MYO9B: variants seen among roughly 807,000 people sequenced by gnomAD.
The protein encoded by MYO9B is myosin IXB, also known as unconventional myosin-IXb.
Under a neutral mutation model 229.5 loss-of-function variants are expected in MYO9B, and 71 were observed. The observed-to-expected ratio is 0.31, with a 90% CI of 0.26 to 0.38. The LOEUF (loss-of-function observed/expected upper bound fraction) is 0.38, where lower values mean the gene tolerates loss of function less well. Ranked by LOEUF, MYO9B falls within the 10% of genes least tolerant of loss-of-function variation. The pLI is 1.00. For synonymous variants in MYO9B, 1,185 were observed against 1,235.8 expected (o/e 0.96, Z 0.86); for missense variants, 2,255 against 2,920.5 (o/e 0.77, Z 5.25).
intron 3 of MYO9B, among the ~76,000 whole-genome samples, chr19:17,146,722 T>C (rs1294908847): frequency 6.6e-6 from 1 of 151,990 alleles, no homozygotes; most frequent in Non-Finnish European, 1.5e-5. Context: ...TTGGATGGAA[T>C]TGGATGGGCT....
chr19:17,094,045 G>GTT (rs2057665445), intron 1 of MYO9B, among the ~76,000 whole-genome samples: 1 of 127,718 alleles, frequency 7.8e-6, no homozygotes, highest in Non-Finnish European at 1.8e-5. Flanking sequence ...TGTTGTTGTT[G>GTT]TTGTTGTTAA....
intron 2 of MYO9B, among the ~76,000 whole-genome samples, chr19:17,109,890 G>A (rs1363114853): frequency 6.6e-6 from 1 of 152,210 alleles, no homozygotes; most frequent in African/African-American, 2.4e-5. Flanking sequence ...CACAGGTTCT[G>A]GGGGTAAGGA....
At chr19:17,124,018 T>G (rs2145137661) in intron 2 of MYO9B, among the ~76,000 whole-genome samples, 1 of 151,984 alleles carries the variant, frequency 6.6e-6, no homozygotes, top group South Asian at 2.1e-4. Flanking sequence ...CCCAAGCAGC[T>G]AGGATTACAG....
intron 7 of MYO9B, 46 bp from the exon 8 acceptor site, chr19:17,159,349 T>C (rs2145301787): frequency 6.6e-7 from 1 of 1,520,964 alleles, no homozygotes; most frequent in Non-Finnish European, 9.0e-7. Flanking sequence ...GCCTGATAAG[T>C]CCTCCATCTC....
intron 1 of MYO9B, among the ~76,000 whole-genome samples, chr19:17,092,791 C>T (rs1364720168): frequency 4.0e-5 from 6 of 150,386 alleles, no homozygotes; most frequent in East Asian, 2.0e-4. Flanking sequence ...TATGCATGTG[C>T]ATGCATGTGA....
intron 26 of MYO9B, 84 bp downstream of exon 26, chr19:17,200,913 A>G: frequency 6.9e-7 from 1 of 1,458,086 alleles, no homozygotes. Context: ...TCTGAAACAC[A>G]CAACACAGGG....
At position 17,172,323 on chromosome 19, in the gene MYO9B, G is replaced by A. The variant is rs1485581786; in HGVS notation, c.1794-13G>A. On this transcript the variant is annotated splice_polypyrimidine_tract_variant and intron_variant, in intron 11 of 39. Coordinates refer to ENST00000682292, the MANE Select transcript of MYO9B (RefSeq NM_004145.4). The surrounding 1 kb of genome is among the most constrained non-coding windows in gnomAD (Gnocchi z 8.2). ...CTGTTCATGCCTGCAAAGGTTCCAT[G>A]TTCTGTTCCCAGCTTCCCCCACGCC... 8 of 1,613,660 alleles carry A rather than the reference G, an allele frequency of 5.0e-6. No individual in the cohort carries two copies. Among genetic ancestry groups the A allele is most frequent in the Non-Finnish European group, 6.8e-6 (8 of 1,179,746 alleles).
chr19:17,127,155 G>C (rs2072131865), intron 2 of MYO9B, among the ~76,000 whole-genome samples: 1 of 145,318 alleles, frequency 6.9e-6, no homozygotes. Context: ...GGGACTACAG[G>C]TGCACACCAC....
intron 2 of MYO9B, among the ~76,000 whole-genome samples, chr19:17,130,453 T>TA (rs886986175): frequency 7.3e-5 from 11 of 151,396 alleles, no homozygotes; most frequent in South Asian, 2.1e-4. Context: ...CTGTCTCTAC[T>TA]AAAAAAAATA....
chr19:17,168,187 C>A, intron 11 of MYO9B, 123 bp downstream of exon 11: 1 of 1,319,482 alleles, frequency 7.6e-7, no homozygotes, highest in Non-Finnish European at 1.0e-6. Context: ...ATTTTTGAGA[C>A]AGGGTCTCAC....
At chr19:17,199,700 C>CTTTTTTTT (rs59510773) in intron 24 of MYO9B, among the ~76,000 whole-genome samples, 14 of 68,766 alleles carry the variant, frequency 2.0e-4, no homozygotes, top group Non-Finnish European at 2.1e-4. Flanking sequence ...CTTTTTTTTT[C>CTTTTTTTT]TTTTTTTTTT....
intron 10 of MYO9B, among the ~76,000 whole-genome samples, chr19:17,163,372 C>CTTTT (rs3031315): frequency 0.017 from 1,576 of 92,348 alleles, 123 homozygotes; most frequent in African/African-American, 0.065. Context: ...CCCCATTCCA[C>CTTTT]TTTTTTTTTT....
At chr19:17,180,822 G>C in intron 14 of MYO9B, 105 bp from the exon 15 acceptor site, 1 of 680,220 alleles carries the variant, frequency 1.5e-6, no homozygotes, top group Non-Finnish European at 2.5e-6. Context: ...TTTGGCTTCA[G>C]TGGCCTGGGG....
At chr19:17,125,299 C>A (rs2058005250) in intron 2 of MYO9B, among the ~76,000 whole-genome samples, 1 of 27,112 alleles carries the variant, frequency 3.7e-5, no homozygotes, top group Non-Finnish European at 7.5e-5. Context: ...AAACCCCATC[C>A]CCCCCCCCCC....
intron 1 of MYO9B, among the ~76,000 whole-genome samples, chr19:17,096,659 A>G (rs1027784110): frequency 2.8e-5 from 4 of 140,700 alleles, no homozygotes; most frequent in Non-Finnish European, 6.1e-5. Context: ...CCTCGTTCAG[A>G]TAGTTTGTTG....
intron 24 of MYO9B, among the ~76,000 whole-genome samples, 178 bp downstream of exon 24, chr19:17,198,486 G>A (rs1223090430): frequency 6.6e-6 from 1 of 152,178 alleles, no homozygotes; most frequent in Non-Finnish European, 1.5e-5. Context: ...TATAATCCCA[G>A]CACTTTGGGA....
At chr19:17,152,440 TTCCAACCAACCAC>T (rs2072488211) in intron 3 of MYO9B, 191 bp from the exon 4 acceptor site, 2 of 454,556 alleles carry the variant, frequency 4.4e-6, no homozygotes. Context: ...ACCCCTGTAG[TTCCAACCAACCAC>T]TGTGGGGGCC....
chr19:17,205,750 C>A (rs1173707507), intron 31 of MYO9B, among the ~76,000 whole-genome samples: 1 of 152,140 alleles, frequency 6.6e-6, no homozygotes, highest in Admixed American at 6.5e-5. Flanking sequence ...GGGTGGCCTA[C>A]AAAGGAAGCC....
chr19:17,108,160 C>A (rs4808569), intron 2 of MYO9B, among the ~76,000 whole-genome samples: 22,753 of 152,198 alleles, frequency 0.15, 1,963 homozygotes, highest in Non-Finnish European at 0.2. Flanking sequence ...GTGAGTCAGA[C>A]CCCCGGTCCT....
Sources: gnomAD v4.1 joint callset for allele counts (sites outside exome capture counted in the v4.1 genomes callset) on GRCh38, gnomAD v4.1.1 for gene constraint, Gnocchi (gnomAD v3.1) non-coding constraint, MANE v1.5 for transcripts, NCBI Gene and HGNC (gene_info 2026-07-23, HGNC 2026-07-21) for gene names.